PKNOX2: variants seen among roughly 807,000 people sequenced by gnomAD.
The protein encoded by PKNOX2 is PBX/knotted 1 homeobox 2.
A neutral mutation model predicts 53.1 loss-of-function variants in PKNOX2; 14 were observed. That is an observed-to-expected ratio of 0.26 (90% CI 0.17 to 0.41). PKNOX2 has a LOEUF of 0.41. Ranked by LOEUF, PKNOX2 falls within the 10% of genes least tolerant of loss-of-function variation. PKNOX2 has a pLI of 1.00. For missense variants in PKNOX2, 496 were observed against 602.8 expected, an observed-to-expected ratio of 0.82 and a Z score of 1.85; for synonymous variants, 257 against 242.8, an observed-to-expected ratio of 1.06 and a Z score of -0.54.
At chr11:125,254,469 G>T (rs572131351) in intron 2 of PKNOX2, among the ~76,000 whole-genome samples, 2 of 152,240 alleles carry the variant, frequency 1.3e-5, no homozygotes, top group African/African-American at 4.8e-5. Flanking sequence ...AGGAGTCCTC[G>T]TCTTGAGGCC....
At chr11:125,261,351 C>T (rs749617136) in intron 2 of PKNOX2, among the ~76,000 whole-genome samples, 41 of 152,342 alleles carry the variant, frequency 2.7e-4, no homozygotes, top group Non-Finnish European at 4.6e-4. Flanking sequence ...AACCTCACCA[C>T]CACAGAAGAC....
At chr11:125,194,065 A>G (rs556443976) in intron 1 of PKNOX2, among the ~76,000 whole-genome samples, 3 of 152,310 alleles carry the variant, frequency 2.0e-5, no homozygotes, top group African/African-American at 7.2e-5. Context: ...AGGGGTAAAG[A>G]CCAAGAGCAA....
At chr11:125,302,660 G>A (rs749229245) in intron 2 of PKNOX2, among the ~76,000 whole-genome samples, 10 of 152,170 alleles carry the variant, frequency 6.6e-5, no homozygotes, top group Non-Finnish European at 1.3e-4. Flanking sequence ...CTGTTGCCAG[G>A]AGTCATCAGC....
intron 1 of PKNOX2, among the ~76,000 whole-genome samples, chr11:125,203,895 G>A (rs1182080573): frequency 1.3e-5 from 2 of 152,170 alleles, no homozygotes; most frequent in Non-Finnish European, 2.9e-5. Flanking sequence ...TCTTGTGTTA[G>A]CTCATTCTTC....
chr11:125,180,721 T>C (rs1257562513), intron 1 of PKNOX2, among the ~76,000 whole-genome samples: 1 of 152,164 alleles, frequency 6.6e-6, no homozygotes, highest in Non-Finnish European at 1.5e-5. Flanking sequence ...AGCTTCCTGG[T>C]GTTCTGCTCC....
At chr11:125,251,835 GT>G (rs1944026532) in intron 2 of PKNOX2, among the ~76,000 whole-genome samples, 1 of 150,242 alleles carries the variant, frequency 6.7e-6, no homozygotes, top group Non-Finnish European at 1.5e-5. Flanking sequence ...TTCCACTGTG[GT>G]GATGGCCTCA....
At chr11:125,417,680 G>A (rs1285425495) in intron 10 of PKNOX2, among the ~76,000 whole-genome samples, 2 of 152,026 alleles carry the variant, frequency 1.3e-5, no homozygotes, top group Non-Finnish European at 2.9e-5. Context: ...CAAAGTCTGG[G>A]TAAAGCAAAG....
At chr11:125,408,655 G>T (rs909603205) in intron 7 of PKNOX2, among the ~76,000 whole-genome samples, 1 of 152,196 alleles carries the variant, frequency 6.6e-6, no homozygotes, top group African/African-American at 2.4e-5. Flanking sequence ...CAGCTGAATC[G>T]AGTGAGATGT....
intron 1 of PKNOX2, among the ~76,000 whole-genome samples, chr11:125,217,672 G>C (rs768477894): frequency 1.3e-5 from 2 of 152,166 alleles, no homozygotes; most frequent in Non-Finnish European, 2.9e-5. Flanking sequence ...CTGGAAAAGA[G>C]ACCCACCCTA....
intron 1 of PKNOX2, among the ~76,000 whole-genome samples, chr11:125,199,863 C>CAAACA (rs542840867): frequency 1.3e-4 from 20 of 152,250 alleles, no homozygotes; most frequent in African/African-American, 4.6e-4. Context: ...ACAAAACAAA[C>CAAACA]AAACAAAACA....
intron 1 of PKNOX2, among the ~76,000 whole-genome samples, chr11:125,216,270 G>A (rs745816612): frequency 3.2e-4 from 48 of 152,324 alleles, no homozygotes; most frequent in Middle Eastern, 3.4e-3. Flanking sequence ...GCAGGGAGGG[G>A]TCTGAGCTGT....
intron 2 of PKNOX2, among the ~76,000 whole-genome samples, chr11:125,272,361 G>A (rs1945854820): frequency 6.6e-6 from 1 of 152,146 alleles, no homozygotes; most frequent in Admixed American, 6.6e-5. Context: ...CTAAGCACAG[G>A]CACACATATT....
intron 3 of PKNOX2, among the ~76,000 whole-genome samples, chr11:125,346,996 A>G (rs1011911387): frequency 3.3e-5 from 5 of 152,180 alleles, no homozygotes; most frequent in Admixed American, 6.5e-5. Flanking sequence ...ACATCACTGC[A>G]AAGCAATTCC....
At chr11:125,290,945 C>T (rs1330182890) in intron 2 of PKNOX2, among the ~76,000 whole-genome samples, 3 of 152,108 alleles carry the variant, frequency 2.0e-5, no homozygotes, top group Non-Finnish European at 4.4e-5. Flanking sequence ...AGGGGTTAAC[C>T]AGGAGAAGCT....
chr11:125,317,236 C>A (rs1469756820), intron 2 of PKNOX2, among the ~76,000 whole-genome samples: 1 of 152,132 alleles, frequency 6.6e-6, no homozygotes, highest in Non-Finnish European at 1.5e-5. Context: ...AATCTTGAAC[C>A]CCTCAAAGTC....
intron 2 of PKNOX2, among the ~76,000 whole-genome samples, chr11:125,289,421 T>C (rs1947160590): frequency 6.6e-6 from 1 of 152,218 alleles, no homozygotes; most frequent in Non-Finnish European, 1.5e-5. Context: ...ACTTTGAATT[T>C]TGGGCATCTA....
Position 125,199,267 on chromosome 11 carries a change from C to T in PKNOX2, c.-201+34491C>T, listed in dbSNP as rs537487403. On this transcript the variant is annotated intron_variant, in intron 1 of 12. Transcript: ENST00000298282. The stretch of plus-strand genomic sequence containing the variant: ...AGTCCCTCTGAGAGCTCCCCAAGCT[C>T]CTAGACTGCTCTGAGGAGGTCAAAG... Among the ~76,000 whole-genome samples, 3 of 152,248 alleles carry T rather than the reference C, an allele frequency of 2.0e-5. No homozygotes were observed. In the South Asian group the frequency reaches 6.2e-4, roughly 32 times the overall value.
intron 5 of PKNOX2, among the ~76,000 whole-genome samples, chr11:125,372,954 C>A (rs183465103): frequency 6.6e-6 from 1 of 152,226 alleles, no homozygotes; most frequent in African/African-American, 2.4e-5. Context: ...CTGTCTCATG[C>A]AGACTGGATG....
chr11:125,179,635 C>A (rs1260451523), intron 1 of PKNOX2, among the ~76,000 whole-genome samples: 1 of 152,020 alleles, frequency 6.6e-6, no homozygotes, highest in Non-Finnish European at 1.5e-5. Context: ...GCGAGAGAAC[C>A]CCTGGAGTCT....
Sources: allele counts gnomAD v4.1 joint callset (sites outside exome capture counted in the v4.1 genomes callset), GRCh38; gene constraint gnomAD v4.1.1; transcripts MANE v1.5; gene names NCBI Gene and HGNC (gene_info 2026-07-23, HGNC 2026-07-21).